POLR2C: variants seen among roughly 807,000 people sequenced by gnomAD.
POLR2C encodes RNA polymerase II subunit C.
A neutral mutation model predicts 41.7 loss-of-function variants in POLR2C; 36 were observed. That is an observed-to-expected ratio of 0.86 (90% CI 0.66 to 1.14). POLR2C has a LOEUF of 1.14. Ranked by LOEUF, POLR2C falls within the 50% of genes most tolerant of loss-of-function variation. The probability of loss-of-function intolerance (pLI) is 0.00; values close to 1 mark genes in which losing one functional copy is unlikely to be tolerated. For missense variants in POLR2C, 260 were observed against 350.4 expected, an observed-to-expected ratio of 0.74 and a Z score of 2.06; for synonymous variants, 133 against 137.8, an observed-to-expected ratio of 0.96 and a Z score of 0.25.
At position 57,469,971 on chromosome 16, in the gene POLR2C, C is replaced by A. The variant is rs781607112; in HGVS notation, c.450C>A (p.Ile150=). The change falls in exon 7 of 9, where the codon ATC becomes ATA. Residue 150 remains isoleucine (I), a synonymous_variant. Coordinates refer to ENST00000219252, the MANE Select transcript of POLR2C (RefSeq NM_032940.3). This position sits in a 1 kb window ranked among gnomAD's most constrained non-coding sequence, Gnocchi z 5.8. The part of the protein sequence containing the change: ...NDYVEQDDIL[I]VKLRKGQELR... ...TGCCTCTCCCTGCAGACATCCTCATCGTCAAGTTGAGAAAGGGCCAGGAGC... is the reference window on the plus strand; with the variant it reads ...TGCCTCTCCCTGCAGACATCCTCATAGTCAAGTTGAGAAAGGGCCAGGAGC... 14 of 1,613,508 alleles carry A rather than the reference C, an allele frequency of 8.7e-6. No homozygotes were observed. Among genetic ancestry groups the A allele is most frequent in the Middle Eastern group, 1.7e-4 (1 of 5,968 alleles).
Position 57,470,959 on chromosome 16 carries a change from G to T in POLR2C, c.684-16G>T. ...AGCCTGCCTCGCAGTGCACTCACTGGACTCTTGCCTCCTAGGTTTTACTAC... is the reference window on the plus strand; with the variant it reads ...AGCCTGCCTCGCAGTGCACTCACTGTACTCTTGCCTCCTAGGTTTTACTAC... On this transcript the variant is annotated splice_polypyrimidine_tract_variant and intron_variant, in intron 8 of 8. Transcript: ENST00000219252. 6.2e-7 allele frequency: 1 copy of T among 1,611,490 alleles called. No individual in the cohort carries two copies. Among genetic ancestry groups the T allele is most frequent in the Non-Finnish European group, 8.5e-7 (1 of 1,179,646 alleles).
At chr16:57,465,754 C>A in intron 2 of POLR2C, 199 bp from the exon 3 acceptor site, 1 of 540,862 alleles carries the variant, frequency 1.8e-6, no homozygotes, top group Non-Finnish European at 3.3e-6. Flanking sequence ...GCATTAAATT[C>A]ACCTGGGCAG....
rs779318754 is a variant in POLR2C at position 57,470,341 on chromosome 16, G to A, written c.670G>A (p.Gly224Ser). Residue 224 changes from glycine (G) to serine (S), a missense_variant, in exon 8 of 9, where the codon GGC becomes AGC. By Grantham distance (56) the Gly-to-Ser change is moderately conservative (BLOSUM62 0). Coordinates refer to ENST00000219252, the MANE Select transcript of POLR2C (RefSeq NM_032940.3). ...DESQAPYDPN[G>S]KPERFYYNVE... is the part of the protein sequence containing the mutation. ...GTCGCAGGCTCCCTATGACCCCAACGGCAAGCCAGAAAGGTAAGAGCCTGG... is the reference window on the plus strand; with the variant it reads ...GTCGCAGGCTCCCTATGACCCCAACAGCAAGCCAGAAAGGTAAGAGCCTGG... 24 of 1,608,338 alleles carry A rather than the reference G, an allele frequency of 1.5e-5. No homozygotes were observed. The highest frequency in any genetic ancestry group is 2.2e-5 in the East Asian group (1 of 44,642).
chr16:57,466,173 A>G lies in POLR2C; in HGVS notation c.206-2A>G, dbSNP rs2030704540. ...TTTAAAGTGCTTTTCTGTTTTTTAC[A>G]GGATTAATTCCCCTCATTAGTGATG... On this transcript the variant is annotated splice_acceptor_variant, in intron 3 of 8. Transcript: ENST00000219252. LOFTEE classifies it high-confidence loss of function. The G allele has an allele frequency of 6.2e-7, 1 of 1,601,458 alleles. No homozygotes were observed. The highest frequency in any genetic ancestry group is 8.5e-7 in the Non-Finnish European group (1 of 1,172,188).
chr16:57,463,195 A>G (rs1324169766), intron 2 of POLR2C, 117 bp downstream of exon 2: 1 of 866,846 alleles, frequency 1.2e-6, no homozygotes, highest in African/African-American at 1.7e-5. Context: ...TAGTGCTGAG[A>G]AAAGTGCATT....
rs2030856916 is a variant in POLR2C at position 57,471,793 on chromosome 16, C to G, written c.*674C>G. The G allele has an allele frequency of 6.6e-6, 1 of 151,924 alleles. No homozygotes were observed. 9.4% of individuals were successfully genotyped at this position (151,924 alleles called of 1,614,324 possible). On this transcript the variant is annotated 3_prime_UTR_variant, in exon 9 of 9. Coordinates refer to ENST00000219252, the MANE Select transcript of POLR2C (RefSeq NM_032940.3). ...CAGCCGCAGGAGCAAGGGCCCCTCC[C>G]ACATACACAGGAGGAGTATTTCATT... is the stretch of plus-strand genomic sequence containing the variant.
Position 57,469,253 on chromosome 16 carries a change from C to A in POLR2C, c.347C>A (p.Thr116Lys). 1 of 1,614,214 alleles carries A rather than the reference C, an allele frequency of 6.2e-7. No homozygotes were observed. Among genetic ancestry groups the A allele is most frequent in the Non-Finnish European group, 8.5e-7 (1 of 1,180,022 alleles). Residue 116 changes from threonine to lysine, a missense_variant, in exon 5 of 9, where the codon ACG becomes AAG. By Grantham distance (78) the Thr-to-Lys change is moderately conservative. Coordinates refer to ENST00000219252, the MANE Select transcript of POLR2C (RefSeq NM_032940.3). This position sits in a 1 kb window ranked among gnomAD's most constrained non-coding sequence, Gnocchi z 5.8. ...RCNEDQTRHVTSRDLISNSPR... is the reference protein window; with the variant it reads ...RCNEDQTRHVKSRDLISNSPR... Reference sequence around the variant, plus strand: ...AATGAAGACCAGACGCGACATGTCACGTCTCGAGACCTCATCTCCAACAGC... The same window carrying A: ...AATGAAGACCAGACGCGACATGTCAAGTCTCGAGACCTCATCTCCAACAGC...
chr16:57,467,317 T>G (rs2030733231), intron 4 of POLR2C, among the ~76,000 whole-genome samples: 3 of 152,274 alleles, frequency 2.0e-5, no homozygotes, highest in Admixed American at 2.0e-4. Flanking sequence ...CGTTGTCACA[T>G]TTTAACATTT....
intron 2 of POLR2C, among the ~76,000 whole-genome samples, chr16:57,464,580 A>T (rs1217692277): frequency 6.6e-6 from 1 of 152,230 alleles, no homozygotes; most frequent in African/African-American, 2.4e-5. Context: ...CTGTGGCATC[A>T]AATATTCAGA....
At position 57,463,368 on chromosome 16, in the gene POLR2C, C is replaced by G. The variant is rs373386396; in HGVS notation, c.136+290C>G. On this transcript the variant is annotated intron_variant, in intron 2 of 8. Transcript: ENST00000219252. ...AATACTGTTTTCACTACTATTGTTACAAAAGTTTTTAAAATGTTTTCAACT... is the reference window on the plus strand; with the variant it reads ...AATACTGTTTTCACTACTATTGTTAGAAAAGTTTTTAAAATGTTTTCAACT... 46 of 554,438 alleles carry G rather than the reference C, an allele frequency of 8.3e-5. 1 individual carries two copies. The highest frequency in any genetic ancestry group is 3.1e-4 in the East Asian group (10 of 32,386). 34.3% of individuals were successfully genotyped at this position (554,438 alleles called of 1,614,324 possible). A position where few individuals can be genotyped will look rare whatever the true frequency, so the allele number is the denominator to read the frequency against.
chr16:57,469,809 C>A lies in POLR2C; in HGVS notation c.439+48C>A, dbSNP rs749851118. ...CGTGTGGGCCAGCGGGAAGGAGGGACCAGACACAGCCTCTCGTGCTGCCTG... is the reference window on the plus strand; with the variant it reads ...CGTGTGGGCCAGCGGGAAGGAGGGAACAGACACAGCCTCTCGTGCTGCCTG... On this transcript the variant is annotated intron_variant, in intron 6 of 8. Transcript: ENST00000219252. The surrounding 1 kb of genome is among the most constrained non-coding windows in gnomAD (Gnocchi z 5.8). 1 of 1,580,014 alleles carries A rather than the reference C, an allele frequency of 6.3e-7. No individual in the cohort carries two copies. Among genetic ancestry groups the A allele is most frequent in the Non-Finnish European group, 8.7e-7 (1 of 1,150,084 alleles).
Position 57,469,365 on chromosome 16 carries a change from CTG to C in POLR2C, c.387+73_387+74del. 1 of 1,515,574 alleles carries C rather than the reference CTG, an allele frequency of 6.6e-7. No homozygotes were observed. The allele number at this position is 1,515,574 out of a possible 1,614,324, so 93.9% of individuals were successfully genotyped here. A position where few individuals can be genotyped will look rare whatever the true frequency, so the allele number is the denominator to read the frequency against. ...TCTGGCTGGCTCCAAGTGGGCCAGA[CTG>C]GGGTTGATCCTTAGAAAATGTTGGC... On this transcript the variant is annotated intron_variant, in intron 5 of 8. Transcript: ENST00000219252. This position sits in a 1 kb window ranked among gnomAD's most constrained non-coding sequence, Gnocchi z 5.8.
rs373331408 is a variant in POLR2C at position 57,470,006 on chromosome 16, G to A, written c.485G>A (p.Arg162Gln). The change falls in exon 7 of 9, where the codon CGA becomes CAA. Residue 162 changes from arginine (R) to glutamine (Q), a missense_variant. Coordinates refer to ENST00000219252, the MANE Select transcript of POLR2C (RefSeq NM_032940.3). ...KLRKGQELRL[R>Q]AYAKKGFGKE... is the part of the protein sequence containing the mutation. ...AGAAAGGGCCAGGAGCTGAGACTTC[G>A]AGCCTATGCCAAAAAGGGCTTTGGC... is the stretch of plus-strand genomic sequence containing the variant. 6 of 1,613,994 alleles carry A rather than the reference G, an allele frequency of 3.7e-6. No individual in the cohort carries two copies. The South Asian group carries it at 4.4e-5, about 12-fold the overall frequency.
In POLR2C at chr16:57,471,800, A is replaced by G. The variant is rs2030857430; in HGVS notation, c.*681A>G. Reference sequence around the variant, plus strand: ...AGGAGCAAGGGCCCCTCCCACATACACAGGAGGAGTATTTCATTTCTCCTT... The same window carrying G: ...AGGAGCAAGGGCCCCTCCCACATACGCAGGAGGAGTATTTCATTTCTCCTT... On this transcript the variant is annotated 3_prime_UTR_variant, in exon 9 of 9. Coordinates refer to ENST00000219252, the MANE Select transcript of POLR2C (RefSeq NM_032940.3). The G allele has an allele frequency of 6.6e-6, 1 of 152,138 alleles. No individual in the cohort carries two copies. The highest frequency in any genetic ancestry group is 1.9e-4 in the East Asian group (1 of 5,182). The allele number at this position is 152,138 out of a possible 1,614,324, so 9.4% of individuals were successfully genotyped here. A position where few individuals can be genotyped will look rare whatever the true frequency, so the allele number is the denominator to read the frequency against.
Position 57,469,635 on chromosome 16 carries a change from G to A in POLR2C, c.388-75G>A. ...CTGGTTGACAGATTGCAGTCTAGAG[G>A]TGCTGGGATATGGATGCCAGAGGAG... On this transcript the variant is annotated intron_variant, in intron 5 of 8. Coordinates refer to ENST00000219252, the MANE Select transcript of POLR2C (RefSeq NM_032940.3). The surrounding 1 kb of genome is among the most constrained non-coding windows in gnomAD (Gnocchi z 5.8). 1 of 1,231,628 alleles carries A rather than the reference G, an allele frequency of 8.1e-7. No individual in the cohort carries two copies. The highest frequency in any genetic ancestry group is 1.2e-6 in the Non-Finnish European group (1 of 832,358). 76.3% of individuals were successfully genotyped at this position (1,231,628 alleles called of 1,614,324 possible). A position where few individuals can be genotyped will look rare whatever the true frequency, so the allele number is the denominator to read the frequency against.
chr16:57,471,100 A>T lies in POLR2C; in HGVS notation c.809A>T (p.Asp270Val). Reference protein sequence around the residue: ...QTQLSHEIQSDVLTIN With the variant: ...QTQLSHEIQSVVLTIN ...CAATTAAGCCACGAGATCCAGAGTG[A>T]TGTGCTAACCATAAATTAACTGCAG... The change falls in exon 9 of 9, where the codon GAT becomes GTT. Residue 270 changes from aspartate to valine, a missense_variant. Transcript: ENST00000219252. 6.2e-7 allele frequency: 1 copy of T among 1,614,062 alleles called. No individual in the cohort carries two copies.
chr16:57,462,891 T>A (rs1053647894), intron 1 of POLR2C, 81 bp downstream of exon 1: 9 of 1,075,308 alleles, frequency 8.4e-6, no homozygotes, highest in African/African-American at 5.6e-5. Context: ...GGGGCGGGGG[T>A]GTAGTGGGGT....
intron 2 of POLR2C, among the ~76,000 whole-genome samples, chr16:57,464,326 G>A (rs79352876): frequency 0.017 from 2,626 of 152,276 alleles, 87 homozygotes; most frequent in African/African-American, 0.06. Flanking sequence ...TCCACAGTGA[G>A]GTTGTAGGGG....
At chr16:57,462,922 C>T (rs1567582576) in intron 1 of POLR2C, 107 bp from the exon 2 acceptor site, 1 of 1,230,726 alleles carries the variant, frequency 8.1e-7, no homozygotes, top group Non-Finnish European at 1.2e-6. Context: ...CGATGTCCTT[C>T]CAGAGCTGCC....
Sources: gnomAD v4.1 joint callset for allele counts (sites outside exome capture counted in the v4.1 genomes callset) on GRCh38, gnomAD v4.1.1 for gene constraint, Gnocchi (gnomAD v3.1) non-coding constraint, MANE v1.5 for transcripts, NCBI Gene and HGNC (gene_info 2026-07-23, HGNC 2026-07-21) for gene names.